Variants in YOD1 observed in about 807,000 individuals in gnomAD.
YOD1 encodes ubiquitin thioesterase OTU1.
YOD1 carries 17 observed loss-of-function variants against 23.7 expected under a neutral mutation model. That is an observed-to-expected ratio of 0.72 (90% confidence interval 0.49 to 1.07). The LOEUF (loss-of-function observed/expected upper bound fraction) is 1.07. Ranked by LOEUF, YOD1 falls within the 50% of genes least tolerant of loss-of-function variation. YOD1 has a pLI of 0.00. For synonymous variants in YOD1, 191 were observed against 169.6 expected (o/e 1.13, Z -0.98); for missense variants, 413 against 447.2 (o/e 0.92, Z 0.69).
chr1:207,047,011 A>G lies in YOD1; in HGVS notation c.*2009T>C, dbSNP rs1226213750. 6.6e-6 allele frequency: 1 copy of G among 152,346 alleles called. No individual in the cohort carries two copies. Among genetic ancestry groups the G allele is most frequent in the Admixed American group, 6.5e-5 (1 of 15,274 alleles). The allele number at this position is 152,346 out of a possible 1,614,324, so 9.4% of individuals were successfully genotyped here. ...GTAATGATGCATAAAGCTCAATTTG[A>G]TAATTGTTATCTAGTGGTATATTCT... On this transcript the variant is annotated 3_prime_UTR_variant, in exon 2 of 2. Coordinates refer to ENST00000315927, the MANE Select transcript of YOD1 (RefSeq NM_018566.4).
intron 1 of YOD1, 118 bp from the exon 2 acceptor site, chr1:207,049,841 A>C: frequency 2.3e-6 from 2 of 877,928 alleles, no homozygotes; most frequent in South Asian, 3.7e-5. Context: ...GGGGTTACTA[A>C]GGAGAATACA....
rs189063582 is a variant in YOD1, at chr1:207,049,957, T to A, written c.344-234A>T. On this transcript the variant is annotated intron_variant, in intron 1 of 1. Transcript: ENST00000315927. ...GTTGCATCCCAATTTAGTGAAGGGG[T>A]CTGGAGTAAACAACTTCAAGCTTAC... Among the ~76,000 whole-genome samples, 32 of 152,056 alleles carry A rather than the reference T, an allele frequency of 2.1e-4. No homozygotes were observed. In the South Asian group the frequency reaches 2.5e-3, roughly 12 times the overall value.
upstream of YOD1, chr1:207,052,182 C>A (rs1682768564): frequency 3.1e-6 from 5 of 1,612,604 alleles, no homozygotes; most frequent in Non-Finnish European, 4.2e-6. Context: ...GGTGCAAACT[C>A]ACCTCCACTG....
upstream of YOD1, chr1:207,052,140 G>A: frequency 1.9e-6 from 3 of 1,586,160 alleles, no homozygotes; most frequent in Middle Eastern, 1.7e-4. Context: ...AAACGGGCCC[G>A]CTGGGGCAAC....
At position 207,044,890 on chromosome 1, in the gene YOD1, C is replaced by T. The variant is rs181492527; in HGVS notation, c.*4130G>A. The T allele has an allele frequency of 5.9e-5, 9 of 152,530 alleles. No individual in the cohort carries two copies. Among genetic ancestry groups the T allele is most frequent in the African/African-American group, 1.9e-4 (8 of 41,544 alleles). 9.4% of individuals were successfully genotyped at this position (152,530 alleles called of 1,614,324 possible). A position where few individuals can be genotyped will look rare whatever the true frequency, so the allele number is the denominator to read the frequency against. On this transcript the variant is annotated 3_prime_UTR_variant, in exon 2 of 2. Transcript: ENST00000315927. ...GTATGAATCAAGACCTAAATCAGCA[C>T]CCTACAATTCAACATCAATAATAAT...
rs1682634433 is a variant in YOD1 at position 207,047,771 on chromosome 1, G to C, written c.*1249C>G. On this transcript the variant is annotated 3_prime_UTR_variant, in exon 2 of 2. Coordinates refer to ENST00000315927, the MANE Select transcript of YOD1 (RefSeq NM_018566.4). ...ATTCTGAGAAAGCTGCATAAGGCAA[G>C]GATTTACAATTTTTTCTATTTTGGA... 6.6e-6 allele frequency: 1 copy of C among 152,458 alleles called. No homozygotes were observed. The highest frequency in any genetic ancestry group is 1.5e-5 in the Non-Finnish European group (1 of 68,008). 9.4% of individuals were successfully genotyped at this position (152,458 alleles called of 1,614,324 possible).
chr1:207,051,012 C>G lies in YOD1; in HGVS notation c.19G>C (p.Gly7Arg), dbSNP rs1351714496. Residue 7 changes from glycine (G) to arginine (R), a missense_variant, in exon 1 of 2, where the codon GGT becomes CGT. By Grantham distance (125) the Gly-to-Arg change is moderately radical. Transcript: ENST00000315927. MFGPAK[G>R]RHFGVHPAPG... ...GCCGGGTGGACTCCAAAATGGCGAC[C>G]TTTAGCGGGGCCAAACATCGCGAGA... 1 of 1,514,930 alleles carries G rather than the reference C, an allele frequency of 6.6e-7. No homozygotes were observed. 93.8% of individuals were successfully genotyped at this position (1,514,930 alleles called of 1,614,324 possible).
At chr1:207,052,227 T>C (rs766754087), upstream of YOD1, 7 of 1,612,628 alleles carry the variant, frequency 4.3e-6, no homozygotes, top group Admixed American at 1.2e-4. Context: ...TTATATGTAA[T>C]GTTTCCATCT....
rs771445603 is a variant in YOD1, at chr1:207,049,685, T to G, written c.382A>C (p.Arg128=). 1.7e-5 allele frequency: 28 copies of G among 1,614,048 alleles called. No homozygotes were observed. The highest frequency in any genetic ancestry group is 1.6e-4 in the Middle Eastern group (1 of 6,084). ...LIIEEDQTRP[R]SSPAFTKRGA... ...CGTTTAGTAAATGCAGGTGAACTTC[T>G]GGGCCTGGTTTGGTCTTCTTCAATG... Residue 128 remains arginine, a synonymous_variant, in exon 2 of 2, where the codon AGA becomes CGA. Coordinates refer to ENST00000315927, the MANE Select transcript of YOD1 (RefSeq NM_018566.4).
At position 207,044,504 on chromosome 1, in the gene YOD1, TTC is replaced by T. The variant is rs992583978; in HGVS notation, c.*4514_*4515del. The T allele has an allele frequency of 6.6e-6, 1 of 152,500 alleles. No individual in the cohort carries two copies. Among genetic ancestry groups the T allele is most frequent in the Non-Finnish European group, 1.5e-5 (1 of 67,932 alleles). 9.4% of individuals were successfully genotyped at this position (152,500 alleles called of 1,614,324 possible). Reference sequence around the variant, plus strand: ...GAAATTCTGAGCCTAAGATGATCCTTTCTGTTTACCTACAACTTAATCAAATT... The same window carrying T: ...GAAATTCTGAGCCTAAGATGATCCTTTGTTTACCTACAACTTAATCAAATT... On this transcript the variant is annotated 3_prime_UTR_variant, in exon 2 of 2. Coordinates refer to ENST00000315927, the MANE Select transcript of YOD1 (RefSeq NM_018566.4).
Position 207,048,035 on chromosome 1 carries a change from C to T in YOD1, c.*985G>A, listed in dbSNP as rs75823532. On this transcript the variant is annotated 3_prime_UTR_variant, in exon 2 of 2. Transcript: ENST00000315927. ...TGAAAAAAATTTTTTGGAGGAAGTG[C>T]TCTTAACAAAAAGCTGAGAAAATTA... is the stretch of plus-strand genomic sequence containing the variant. The T allele has an allele frequency of 3.2e-3, 494 of 152,464 alleles. 13 individuals carry two copies. Among genetic ancestry groups the T allele is most frequent in the East Asian group, 0.027 (140 of 5,172 alleles). The allele number at this position is 152,464 out of a possible 1,614,324, so 9.4% of individuals were successfully genotyped here.
In YOD1 at chr1:207,044,787, T is replaced by C. The variant is rs904234608; in HGVS notation, c.*4233A>G. 6 of 152,506 alleles carry C rather than the reference T, an allele frequency of 3.9e-5. No individual in the cohort carries two copies. Among genetic ancestry groups the C allele is most frequent in the African/African-American group, 9.7e-5 (4 of 41,440 alleles). The allele number at this position is 152,506 out of a possible 1,614,324, so 9.4% of individuals were successfully genotyped here. On this transcript the variant is annotated 3_prime_UTR_variant, in exon 2 of 2. Transcript: ENST00000315927. ...TGCATCTATTTGACAATCTCTTCTT[T>C]ATCAGTGGTACTTTGTCTTCTTGGC...
chr1:207,049,645 T>G lies in YOD1; in HGVS notation c.422A>C (p.Tyr141Ser). 6.2e-7 allele frequency: 1 copy of G among 1,614,232 alleles called. No individual in the cohort carries two copies. Among genetic ancestry groups the G allele is most frequent in the Non-Finnish European group, 8.5e-7 (1 of 1,180,042 alleles). Reference sequence around the variant, plus strand: ...AAGCACAGGCAAAGTTTCCCTGACGTAACTAGAAGCACCACGTTTAGTAAA... The same window carrying G: ...AAGCACAGGCAAAGTTTCCCTGACGGAACTAGAAGCACCACGTTTAGTAAA... ...PAFTKRGASS[Y>S]VRETLPVLTR... Residue 141 changes from tyrosine to serine, a missense_variant, in exon 2 of 2, where the codon TAC becomes TCC. Tyr to Ser is a moderately radical substitution (Grantham distance 144). Transcript: ENST00000315927.
In YOD1 at chr1:207,045,633, A is replaced by G. The variant is rs1682581356; in HGVS notation, c.*3387T>C. 1 of 152,124 alleles carries G rather than the reference A, an allele frequency of 6.6e-6. No individual in the cohort carries two copies. The highest frequency in any genetic ancestry group is 1.5e-5 in the Non-Finnish European group (1 of 67,886). 9.4% of individuals were successfully genotyped at this position (152,124 alleles called of 1,614,324 possible). ...AAAAATCACTCTTGCTTAATCTTGC[A>G]TACTTCCCATTCCATTTTTTTTCCC... On this transcript the variant is annotated 3_prime_UTR_variant, in exon 2 of 2. Transcript: ENST00000315927.
intron 1 of YOD1, among the ~76,000 whole-genome samples, chr1:207,050,200 G>GA (rs1682703448): frequency 6.6e-6 from 1 of 152,114 alleles, no homozygotes; most frequent in African/African-American, 2.4e-5. Flanking sequence ...CTGCTGGTTA[G>GA]AAATTGAAAG....
chr1:207,052,137 C>A, upstream of YOD1: 1 of 1,575,062 alleles, frequency 6.3e-7, no homozygotes, highest in Non-Finnish European at 8.7e-7. Flanking sequence ...ATCAAACGGG[C>A]CCGCTGGGGC....
At position 207,050,811 on chromosome 1, in the gene YOD1, C is replaced by T. The variant is rs145388036; in HGVS notation, c.220G>A (p.Gly74Ser). 6.2e-7 allele frequency: 1 copy of T among 1,613,292 alleles called. No homozygotes were observed. Among genetic ancestry groups the T allele is most frequent in the Non-Finnish European group, 8.5e-7 (1 of 1,179,992 alleles). ...ATCCCGGTGATGGCGGCAATTTGGCCCTGGAGTTCCCGCACCCGGGTCCGG... is the reference window on the plus strand; with the variant it reads ...ATCCCGGTGATGGCGGCAATTTGGCTCTGGAGTTCCCGCACCCGGGTCCGG... ...SSRTRVRELQGQIAAITGIAP... is the reference protein window; with the variant it reads ...SSRTRVRELQSQIAAITGIAP... The change falls in exon 1 of 2, where the codon GGC becomes AGC. Residue 74 changes from glycine to serine, a missense_variant. Physicochemically the swap from Gly to Ser is moderately conservative, Grantham distance 56 (BLOSUM62 0). Transcript: ENST00000315927.
In YOD1 at chr1:207,049,110, T is replaced by A. The variant is rs1682667756; in HGVS notation, c.957A>T (p.Arg319Ser). The change falls in exon 2 of 2, where the codon AGA becomes AGT. Residue 319 changes from arginine to serine, a missense_variant. Physicochemically the swap from Arg to Ser is moderately radical, Grantham distance 110. Transcript: ENST00000315927. ...TTAATCCTTTCTGACATACCATGCA[T>A]CTCAGGGTGAAGCGGTTGACATCAG... ...QFTDVNRFTLRCMVCQKGLTG... is the reference protein window; with the variant it reads ...QFTDVNRFTLSCMVCQKGLTG... 6.2e-7 allele frequency: 1 copy of A among 1,614,048 alleles called. No individual in the cohort carries two copies. The highest frequency in any genetic ancestry group is 8.5e-7 in the Non-Finnish European group (1 of 1,180,006).
At position 207,051,067 on chromosome 1, in the gene YOD1, C is replaced by T. The variant is rs1270859215; in HGVS notation, c.-37G>A. 1.5e-5 allele frequency: 22 copies of T among 1,467,424 alleles called. No individual in the cohort carries two copies. The highest frequency in any genetic ancestry group is 1.9e-5 in the Non-Finnish European group (21 of 1,112,702). 90.9% of individuals were successfully genotyped at this position (1,467,424 alleles called of 1,614,324 possible). On this transcript the variant is annotated 5_prime_UTR_variant, in exon 1 of 2. Coordinates refer to ENST00000315927, the MANE Select transcript of YOD1 (RefSeq NM_018566.4). ...GCGGGTGGTTGCAGTTATCGCGACG[C>T]TTCGGTGCGGCTTCTGCCTTAGTAC...
Sources: allele counts gnomAD v4.1 joint callset (sites outside exome capture counted in the v4.1 genomes callset), GRCh38; gene constraint gnomAD v4.1.1; transcripts MANE v1.5; gene names NCBI Gene and HGNC (gene_info 2026-07-23, HGNC 2026-07-21).